The following EDA variants were observed in gnomAD, a reference collection of about 807,000 sequenced individuals.
EDA encodes the protein ectodysplasin A.
EDA carries 2 observed loss-of-function variants against 23.6 expected under a neutral mutation model. The observed-to-expected ratio is 0.08, with a 90% CI of 0.03 to 0.27. EDA has a LOEUF of 0.27. EDA is among the 10% of genes least tolerant of loss of function. EDA has a pLI of 1.00. For missense variants in EDA, 229 were observed against 324.2 expected, an observed-to-expected ratio of 0.71 and a Z score of 2.26; for synonymous variants, 131 against 132.0, an observed-to-expected ratio of 0.99 and a Z score of 0.05.
At chrX:69,721,425 T>A (rs1208239768) in intron 1 of EDA, among the ~76,000 whole-genome samples, 2 of 112,009 alleles carry the variant, frequency 1.8e-5, no homozygotes, top group East Asian at 5.6e-4. Context: ...AAGAGGCTTC[T>A]CAGAGCAGGC....
chrX:70,039,046 ACT>A lies in EDA; in HGVS notation c.*3440_*3441del, dbSNP rs1303074826. The A allele has an allele frequency of 9.0e-6, 1 of 111,383 alleles. No homozygotes were observed. The highest frequency in any genetic ancestry group is 1.9e-5 in the Non-Finnish European group (1 of 53,018). The allele number at this position is 111,383 out of a possible 1,213,427, so 9.2% of individuals were successfully genotyped here. ...GAGAGTAGCTGCAGCCTTCATCAGA[ACT>A]CTTCCTCCTCCCAAGGCATTCTCCC... is the stretch of plus-strand genomic sequence containing the variant. On this transcript the variant is annotated 3_prime_UTR_variant, in exon 8 of 8. Coordinates refer to ENST00000374552, the MANE Select transcript of EDA (RefSeq NM_001399.5).
rs951974437 is a variant in EDA at position 69,672,679 on chromosome X, A to G, written c.396+55975A>G. 3.6e-5 allele frequency: 4 copies of G among 111,031 alleles called. No homozygotes were observed. In the South Asian group the frequency reaches 1.6e-3, roughly 43 times the overall value. The allele number at this position is 111,031 out of a possible 1,213,427, so 9.2% of individuals were successfully genotyped here. On this transcript the variant is annotated intron_variant, in intron 1 of 7. Transcript: ENST00000374552. ...GGCGGATCACGAGGTCAGGAGATCG[A>G]TACCATTTTGGCTAACATGGTGAAA...
rs192749324 is a variant in EDA, at chrX:69,827,771, G to A, written c.397-129256G>A. 3.0e-3 allele frequency among the ~76,000 whole-genome samples: 333 copies of A among 111,787 alleles called. 6 individuals are homozygous for A. In the East Asian group the frequency reaches 0.075, roughly 25 times the overall value. On this transcript the variant is annotated intron_variant, in intron 1 of 7. Transcript: ENST00000374552. ...ACTGTGTTCCTTTGGAGGAGGAGAG[G>A]CGCTCTGCTTTTTAGAGTTTCCAGT...
chrX:69,809,033 A>G (rs2015879388), intron 1 of EDA, among the ~76,000 whole-genome samples: 1 of 111,296 alleles, frequency 9.0e-6, no homozygotes, highest in African/African-American at 3.3e-5. Context: ...TTCTATCTAT[A>G]TTGGGCCACA....
At chrX:69,921,917 C>T (rs1156524464) in intron 1 of EDA, among the ~76,000 whole-genome samples, 2 of 110,942 alleles carry the variant, frequency 1.8e-5, no homozygotes, top group African/African-American at 6.5e-5. Context: ...CGGAATATTT[C>T]GTCACCCTAA....
chrX:69,917,426 A>T (rs2018362266), intron 1 of EDA, among the ~76,000 whole-genome samples: 1 of 112,074 alleles, frequency 8.9e-6, no homozygotes, highest in Admixed American at 9.5e-5. Context: ...TTATGTTGCC[A>T]TTTACATATT....
intron 1 of EDA, chrX:69,670,224 C>T (rs1377417665): frequency 2.4e-5 from 5 of 207,520 alleles, no homozygotes; most frequent in African/African-American, 4.2e-5. Context: ...TTGACTACAT[C>T]ATTTCATTCT....
At chrX:69,728,005 G>A (rs979593338) in intron 1 of EDA, among the ~76,000 whole-genome samples, 1 of 111,277 alleles carries the variant, frequency 9.0e-6, no homozygotes, top group African/African-American at 3.3e-5. Flanking sequence ...AGCACTTTGG[G>A]AGGCGGAGGT....
chrX:69,813,124 C>T (rs2015999326), intron 1 of EDA, among the ~76,000 whole-genome samples: 2 of 111,463 alleles, frequency 1.8e-5, no homozygotes, highest in South Asian at 7.6e-4. Flanking sequence ...TTCCCCTCTC[C>T]TGTTGACAGG....
intron 1 of EDA, among the ~76,000 whole-genome samples, chrX:69,850,938 C>G (rs2017111297): frequency 8.9e-6 from 1 of 111,990 alleles, no homozygotes; most frequent in Admixed American, 9.5e-5. Flanking sequence ...ATTTTACACT[C>G]TTCTATTATT....
chrX:69,949,318 A>T lies in EDA; in HGVS notation c.397-7709A>T, dbSNP rs530949354. Among the ~76,000 whole-genome samples the T allele has an allele frequency of 3.6e-5, 4 of 111,980 alleles. No individual in the cohort carries two copies. In the East Asian group the frequency reaches 8.4e-4, roughly 24 times the overall value. ...TATTTTACCCAGAAGAAAAAAGAGG[A>T]CTTTGTTTTTTTAGTCTAAAGGTAA... On this transcript the variant is annotated intron_variant, in intron 1 of 7. Transcript: ENST00000374552.
chrX:69,745,156 A>G (rs139554098), intron 1 of EDA, among the ~76,000 whole-genome samples: 1,737 of 111,528 alleles, frequency 0.016, 31 homozygotes, highest in African/African-American at 0.055. Context: ...GTTTTCACAT[A>G]CTAATTAACA....
chrX:69,933,746 C>T (rs2018633606), intron 1 of EDA, among the ~76,000 whole-genome samples: 1 of 111,440 alleles, frequency 9.0e-6, no homozygotes, highest in Admixed American at 9.5e-5. Context: ...CTCTTGGAGC[C>T]CCCCTTCCTT....
intron 1 of EDA, among the ~76,000 whole-genome samples, chrX:69,766,539 A>G: frequency 9.0e-6 from 1 of 111,427 alleles, no homozygotes; most frequent in Middle Eastern, 4.6e-3. Flanking sequence ...GAGAACGTGT[A>G]GTATTTGGTT....
intron 1 of EDA, among the ~76,000 whole-genome samples, chrX:69,948,836 A>G (rs1234098093): frequency 8.9e-6 from 1 of 112,150 alleles, no homozygotes; most frequent in Non-Finnish European, 1.9e-5. Context: ...TTTGTTGATA[A>G]TCAAAGCATG....
intron 2 of EDA, among the ~76,000 whole-genome samples, chrX:70,007,176 C>T (rs1359478903): frequency 8.9e-6 from 1 of 111,951 alleles, no homozygotes; most frequent in Non-Finnish European, 1.9e-5. Flanking sequence ...CATTCTTCAA[C>T]TTTGTTGTTA....
chrX:69,616,216 T>A lies in EDA; in HGVS notation c.-93T>A. 2 of 1,062,644 alleles carry A rather than the reference T, an allele frequency of 1.9e-6. No homozygotes were observed. The highest frequency in any genetic ancestry group is 2.5e-6 in the Non-Finnish European group (2 of 794,696). 87.6% of individuals were successfully genotyped at this position (1,062,644 alleles called of 1,213,427 possible). On this transcript the variant is annotated 5_prime_UTR_variant, in exon 1 of 8. An upstream start codon of the reference 5' UTR is lost. Transcript: ENST00000374552. ...ACGGGTCCCTGCAGCCCCCAGCCGATGGCAGGACAGTAGCCGCCTGTCAGA... is the reference window on the plus strand; with the variant it reads ...ACGGGTCCCTGCAGCCCCCAGCCGAAGGCAGGACAGTAGCCGCCTGTCAGA...
At chrX:69,733,876 A>G (rs1173823672) in intron 1 of EDA, among the ~76,000 whole-genome samples, 1 of 109,289 alleles carries the variant, frequency 9.2e-6, no homozygotes, top group African/African-American at 3.3e-5. Context: ...TTACATATTA[A>G]TGAGAGATAT....
intron 1 of EDA, among the ~76,000 whole-genome samples, chrX:69,884,784 G>A (rs188284710): frequency 6.3e-5 from 7 of 111,992 alleles, no homozygotes; most frequent in Admixed American, 4.7e-4. Flanking sequence ...GAACATTCAT[G>A]TACAAATTTT....
Sources: allele counts gnomAD v4.1 joint callset (sites outside exome capture counted in the v4.1 genomes callset), GRCh38; gene constraint gnomAD v4.1.1; transcripts MANE v1.5; gene names NCBI Gene and HGNC (gene_info 2026-07-23, HGNC 2026-07-21).